The following ASCC1 variants were observed in gnomAD, a reference collection of about 807,000 sequenced individuals.
The protein encoded by ASCC1 is activating signal cointegrator 1 complex subunit 1.
In ASCC1, 35 loss-of-function variants were observed where a neutral mutation model predicts 46.6. The ratio of observed to expected loss-of-function variants is 0.75; its 90% CI spans 0.57 to 0.99. The LOEUF (loss-of-function observed/expected upper bound fraction) is 0.99, where lower values mean the gene tolerates loss of function less well. ASCC1 is among the 50% of genes least tolerant of loss of function. The pLI, the probability that ASCC1 is intolerant of heterozygous loss-of-function variation, is 0.00. For synonymous variants in ASCC1, 143 were observed against 146.6 expected (o/e 0.98, Z 0.18); for missense variants, 376 against 428.7 (o/e 0.88, Z 1.09).
intron 2 of ASCC1, chr10:72,212,218 CAGG>C (rs1858244276): frequency 5.4e-6 from 1 of 184,276 alleles, no homozygotes; most frequent in Admixed American, 6.0e-5. Flanking sequence ...GAAGATGAGG[CAGG>C]AGAATTGCTT....
chr10:72,180,974 C>CA (rs1852511095), intron 5 of ASCC1: 1 of 168,534 alleles, frequency 5.9e-6, no homozygotes. Flanking sequence ...ATTCATTTGC[C>CA]TTTTTTTTTG....
At chr10:72,163,935 T>C (rs111915218) in intron 5 of ASCC1, among the ~76,000 whole-genome samples, 6 of 152,222 alleles carry the variant, frequency 3.9e-5, no homozygotes, top group African/African-American at 1.2e-4. Context: ...GATAAAAGCA[T>C]TCCATATCCA....
chr10:72,101,828 T>G (rs1841799094), intron 9 of ASCC1, among the ~76,000 whole-genome samples: 1 of 152,018 alleles, frequency 6.6e-6, no homozygotes, highest in Admixed American at 6.5e-5. Context: ...ATGTTGAGTG[T>G]CTCAACTACA....
At chr10:72,166,739 T>C (rs1004027456) in intron 5 of ASCC1, among the ~76,000 whole-genome samples, 1 of 152,012 alleles carries the variant, frequency 6.6e-6, no homozygotes. Flanking sequence ...AGTTCAACAA[T>C]AAAAAGATAC....
intron 5 of ASCC1, among the ~76,000 whole-genome samples, chr10:72,191,875 T>G (rs182507958): frequency 6.6e-6 from 1 of 151,928 alleles, no homozygotes; most frequent in East Asian, 1.9e-4. Context: ...CTCGAACTCC[T>G]GACCTCAAGT....
intron 9 of ASCC1, chr10:72,102,296 AGT>A: frequency 6.5e-7 from 1 of 1,530,042 alleles, no homozygotes; most frequent in South Asian, 1.2e-5. Flanking sequence ...GAAAACAACA[AGT>A]TCAGGTGTGT....
intron 7 of ASCC1, among the ~76,000 whole-genome samples, chr10:72,141,072 G>GATAGATAGATAC (rs1163109330): frequency 6.6e-6 from 1 of 150,656 alleles, no homozygotes; most frequent in Non-Finnish European, 1.5e-5. Flanking sequence ...TAGATAGATA[G>GATAGATAGATAC]ATAGATAGAT....
intron 5 of ASCC1, among the ~76,000 whole-genome samples, chr10:72,165,053 G>T (rs1850169241): frequency 1.3e-5 from 2 of 151,976 alleles, no homozygotes; most frequent in Admixed American, 1.3e-4. Flanking sequence ...TTAAAGGAAG[G>T]TAGGTCTCAA....
At chr10:72,178,402 A>G (rs1852134420) in intron 5 of ASCC1, among the ~76,000 whole-genome samples, 1 of 152,222 alleles carries the variant, frequency 6.6e-6, no homozygotes, top group Non-Finnish European at 1.5e-5. Flanking sequence ...AGACTAATCT[A>G]TACCCATGAG....
chr10:72,161,844 T>A (rs1481857339), intron 5 of ASCC1, among the ~76,000 whole-genome samples, 170 bp from the exon 6 acceptor site: 2 of 152,096 alleles, frequency 1.3e-5, no homozygotes, highest in African/African-American at 4.8e-5. Flanking sequence ...GCTAGAACAA[T>A]AGAATACCCA....
chr10:72,137,694 G>A (rs1341917854), intron 7 of ASCC1, among the ~76,000 whole-genome samples: 3 of 151,926 alleles, frequency 2.0e-5, no homozygotes, highest in East Asian at 1.9e-4. Context: ...AAAAAAGTAC[G>A]AAAAGCATAA....
At chr10:72,178,921 T>C (rs1048486032) in intron 5 of ASCC1, among the ~76,000 whole-genome samples, 1 of 152,098 alleles carries the variant, frequency 6.6e-6, no homozygotes, top group Non-Finnish European at 1.5e-5. Context: ...ACATTAATAA[T>C]ATCAATTTTT....
At chr10:72,188,903 T>C (rs771785556) in intron 5 of ASCC1, among the ~76,000 whole-genome samples, 11 of 152,052 alleles carry the variant, frequency 7.2e-5, no homozygotes, top group East Asian at 3.8e-4. Flanking sequence ...ACTACAGATA[T>C]GTGCCACCAC....
At chr10:72,144,211 A>G (rs540234555) in intron 7 of ASCC1, among the ~76,000 whole-genome samples, 14 of 151,984 alleles carry the variant, frequency 9.2e-5, no homozygotes, top group Admixed American at 8.5e-4. Context: ...TCCTGACCTC[A>G]TGATCCACCC....
intron 6 of ASCC1, among the ~76,000 whole-genome samples, chr10:72,153,878 C>T (rs1046567496): frequency 2.0e-5 from 3 of 152,038 alleles, no homozygotes; most frequent in Non-Finnish European, 2.9e-5. Flanking sequence ...CCTGCCACCA[C>T]GCCAAGCTAA....
At chr10:72,147,087 G>A (rs1847722762) in intron 7 of ASCC1, among the ~76,000 whole-genome samples, 1 of 149,800 alleles carries the variant, frequency 6.7e-6, no homozygotes, top group Non-Finnish European at 1.5e-5. Flanking sequence ...AGGCATCCTA[G>A]ATTTTGGAAG....
chr10:72,198,459 A>G, intron 4 of ASCC1: 1 of 439,932 alleles, frequency 2.3e-6, no homozygotes, highest in South Asian at 1.6e-5. Flanking sequence ...CTGTAATCCC[A>G]GCACTCTGGG....
At chr10:72,117,489 TTG>T (rs1354576556) in intron 9 of ASCC1, among the ~76,000 whole-genome samples, 3 of 152,210 alleles carry the variant, frequency 2.0e-5, no homozygotes, top group Non-Finnish European at 4.4e-5. Context: ...AGAACGCTCT[TTG>T]TCATATTTTC....
intron 9 of ASCC1, among the ~76,000 whole-genome samples, chr10:72,116,523 A>C (rs887311252): frequency 6.6e-6 from 1 of 152,156 alleles, no homozygotes; most frequent in Non-Finnish European, 1.5e-5. Context: ...GTTCCAATTA[A>C]ATATATGTTA....
Sources: allele counts gnomAD v4.1 joint callset (sites outside exome capture counted in the v4.1 genomes callset), GRCh38; gene constraint gnomAD v4.1.1; transcripts MANE v1.5; gene names NCBI Gene and HGNC (gene_info 2026-07-23, HGNC 2026-07-21).